Variants in DOCK4 observed in about 807,000 individuals in gnomAD.
The protein encoded by DOCK4 is dedicator of cytokinesis 4, also known as dedicator of cytokinesis protein 4.
Under a neutral mutation model 268.1 loss-of-function variants are expected in DOCK4, and 97 were observed. The observed-to-expected ratio is 0.36, with a 90% CI of 0.31 to 0.43. The LOEUF is 0.43. Ranked by LOEUF, DOCK4 falls within the 20% of genes least tolerant of loss-of-function variation. DOCK4 has a pLI of 1.00. For synonymous variants in DOCK4, 954 were observed against 887.2 expected, an observed-to-expected ratio of 1.08 and a Z score of -1.34; for missense variants, 2,145 against 2,455.7, an observed-to-expected ratio of 0.87 and a Z score of 2.67.
chr7:111,741,967 C>G (rs745974382), intron 45 of DOCK4, 46 bp downstream of exon 45: 1 of 1,516,030 alleles, frequency 6.6e-7, no homozygotes. Context: ...AACAAGCAAA[C>G]GGCAGTGATC....
chr7:111,811,918 C>G lies in DOCK4; in HGVS notation c.2962G>C (p.Asp988His). 1 of 1,530,764 alleles carries G rather than the reference C, an allele frequency of 6.5e-7. No homozygotes were observed. Among genetic ancestry groups the G allele is most frequent in the Non-Finnish European group, 8.8e-7 (1 of 1,130,072 alleles). 94.8% of individuals were successfully genotyped at this position (1,530,764 alleles called of 1,614,324 possible). The stretch of plus-strand genomic sequence containing the variant: ...TTTAAGAAGTTCTTACGAAGTGCAT[C>G]TGAGAGGTATAGAACTGTTGTAATA... Reference protein sequence around the residue: ...VIITTVLYLSDALRKNFLNEN... With the variant: ...VIITTVLYLSHALRKNFLNEN... Residue 988 changes from aspartate (D) to histidine (H), a missense_variant, in exon 28 of 53, where the codon GAT (aspartate) becomes CAT (histidine). Coordinates refer to ENST00000428084, the MANE Select transcript of DOCK4 (RefSeq NM_001363540.2).
intron 1 of DOCK4, among the ~76,000 whole-genome samples, chr7:112,107,671 A>G (rs1811255265): frequency 6.6e-6 from 1 of 152,224 alleles, no homozygotes; most frequent in African/African-American, 2.4e-5. Flanking sequence ...ATTGAAGGAA[A>G]TAGGAGAGAC....
At chr7:111,909,199 C>G (rs1049148666) in intron 13 of DOCK4, among the ~76,000 whole-genome samples, 102 of 152,288 alleles carry the variant, frequency 6.7e-4, no homozygotes, top group African/African-American at 2.3e-3. Flanking sequence ...TACTAATAAT[C>G]GCCCATTCTA....
At chr7:112,138,643 C>T (rs913587240) in intron 1 of DOCK4, among the ~76,000 whole-genome samples, 1 of 152,150 alleles carries the variant, frequency 6.6e-6, no homozygotes, top group African/African-American at 2.4e-5. Flanking sequence ...CCAACTCCCC[C>T]ACAATTCTCT....
chr7:111,969,095 G>A (rs1451397224), intron 8 of DOCK4, among the ~76,000 whole-genome samples: 19 of 114,224 alleles, frequency 1.7e-4, no homozygotes, highest in African/African-American at 6.5e-4. Context: ...AGCATTGGGA[G>A]ATATACCTAA....
intron 42 of DOCK4, among the ~76,000 whole-genome samples, chr7:111,749,191 C>T (rs751205753): frequency 3.9e-5 from 6 of 152,068 alleles, no homozygotes; most frequent in South Asian, 2.1e-4. Context: ...TGGTGGAAAA[C>T]GGGTATTTAC....
In DOCK4 at chr7:111,768,106, C is replaced by CA. The variant is rs567439539; in HGVS notation, c.3829-989dup. Among the ~76,000 whole-genome samples the CA allele has an allele frequency of 1.6e-4, 24 of 152,196 alleles. No individual in the cohort carries two copies. In the South Asian group the frequency reaches 4.6e-3, roughly 29 times the overall value. On this transcript the variant is annotated intron_variant, in intron 37 of 52. Transcript: ENST00000428084. ...CATTTCATATCATTTTCACATGTCC[C>CA]AAAATGTTATGATTCCTTTGATTTC... is the stretch of plus-strand genomic sequence containing the variant.
chr7:112,125,644 A>C (rs771102278), intron 1 of DOCK4, among the ~76,000 whole-genome samples: 1 of 152,068 alleles, frequency 6.6e-6, no homozygotes, highest in Admixed American at 6.6e-5. Context: ...AAGTTATTTA[A>C]CTCTCTAAGC....
In DOCK4 at chr7:111,728,265, A is replaced by G. The variant is rs942609820; in HGVS notation, c.*9T>C. On this transcript the variant is annotated 3_prime_UTR_variant, in exon 53 of 53. Transcript: ENST00000428084. ...CAAAGAATGCATCGCAGGTACATAG[A>G]AAAGTGACTTATAACTGAGAGACCT... The G allele has an allele frequency of 6.8e-7, 1 of 1,476,130 alleles. No individual in the cohort carries two copies. Among genetic ancestry groups the G allele is most frequent in the Admixed American group, 2.4e-5 (1 of 41,034 alleles). The allele number at this position is 1,476,130 out of a possible 1,614,324, so 91.4% of individuals were successfully genotyped here. A position where few individuals can be genotyped will look rare whatever the true frequency, so the allele number is the denominator to read the frequency against.
rs563298963 is a variant in DOCK4, at chr7:111,803,245, G to A, written c.3166+5576C>T. Among the ~76,000 whole-genome samples, 3 of 152,308 alleles carry A rather than the reference G, an allele frequency of 2.0e-5. 1 individual carries two copies. In the South Asian group the frequency reaches 6.2e-4, roughly 32 times the overall value. The stretch of plus-strand genomic sequence containing the variant: ...AGCTTATTTGCTGAAAACATACTTT[G>A]GGAACACGGAATCTGCAAACCTGAA... On this transcript the variant is annotated intron_variant, in intron 30 of 52. Coordinates refer to ENST00000428084, the MANE Select transcript of DOCK4 (RefSeq NM_001363540.2).
chr7:111,851,501 A>G (rs1371888027), intron 23 of DOCK4, among the ~76,000 whole-genome samples: 1 of 151,892 alleles, frequency 6.6e-6, no homozygotes, highest in Non-Finnish European at 1.5e-5. Flanking sequence ...AATCCTAGTG[A>G]CTCTGAGTTA....
At chr7:111,732,513 A>AT (rs1795173016) in intron 51 of DOCK4, 1 of 577,482 alleles carries the variant, frequency 1.7e-6, no homozygotes, top group Admixed American at 3.0e-5. Context: ...AAAAGTTATC[A>AT]TGGCATATAT....
intron 47 of DOCK4, chr7:111,739,749 G>C (rs1295945944): frequency 2.0e-5 from 9 of 445,224 alleles, no homozygotes; most frequent in Non-Finnish European, 3.3e-5. Context: ...CCTTCATTGA[G>C]GTATAAGTAG....
Position 111,845,128 on chromosome 7 carries a change from C to T in DOCK4, c.2602-231G>A, listed in dbSNP as rs534105821. Reference sequence around the variant, plus strand: ...ATACAAGTAAAAAGGTGGGTGATATCATGAAGGCACACCAGACTAACTCAG... The same window carrying T: ...ATACAAGTAAAAAGGTGGGTGATATTATGAAGGCACACCAGACTAACTCAG... On this transcript the variant is annotated intron_variant, in intron 24 of 52. Coordinates refer to ENST00000428084, the MANE Select transcript of DOCK4 (RefSeq NM_001363540.2). Among the ~76,000 whole-genome samples the T allele has an allele frequency of 4.2e-4, 64 of 152,264 alleles. No individual in the cohort carries two copies. The South Asian group carries it at 0.013, about 32-fold the overall frequency.
intron 1 of DOCK4, among the ~76,000 whole-genome samples, chr7:112,167,539 A>C (rs1390241665): frequency 6.6e-6 from 1 of 152,226 alleles, no homozygotes; most frequent in Non-Finnish European, 1.5e-5. Context: ...CTATTACTTT[A>C]AAATGCTCAT....
intron 50 of DOCK4, among the ~76,000 whole-genome samples, 175 bp downstream of exon 50, chr7:111,736,742 C>G (rs1795517021): frequency 6.6e-6 from 1 of 152,160 alleles, no homozygotes; most frequent in South Asian, 2.1e-4. Context: ...AGGAAAACAG[C>G]TTTTGAAGAA....
intron 1 of DOCK4, among the ~76,000 whole-genome samples, chr7:112,099,445 G>A (rs182863643): frequency 1.3e-5 from 2 of 151,974 alleles, no homozygotes; most frequent in South Asian, 2.1e-4. Flanking sequence ...AAAGTTTACC[G>A]CATTCCCTAA....
chr7:111,965,381 A>T (rs1461653169), intron 8 of DOCK4, among the ~76,000 whole-genome samples: 65 of 31,540 alleles, frequency 2.1e-3, no homozygotes, highest in Non-Finnish European at 2.8e-3. Flanking sequence ...CCAATGGAAA[A>T]CAAAAAAAGG....
chr7:111,821,482 G>A (rs1380312576), intron 27 of DOCK4: 2 of 152,224 alleles, frequency 1.3e-5, no homozygotes, highest in African/African-American at 2.4e-5. Context: ...ATGGAGACAG[G>A]AAGTGGAGAG....
Sources: allele counts gnomAD v4.1 joint callset (sites outside exome capture counted in the v4.1 genomes callset), GRCh38; gene constraint gnomAD v4.1.1; transcripts MANE v1.5; gene names NCBI Gene and HGNC (gene_info 2026-07-23, HGNC 2026-07-21).